OTUD7B: variants seen among roughly 807,000 people sequenced by gnomAD.
OTUD7B encodes OTU domain-containing protein 7B.
In OTUD7B, 34 loss-of-function variants were observed where a neutral mutation model predicts 82.2. The observed-to-expected ratio is 0.41, with a 90% CI of 0.31 to 0.55. The LOEUF is 0.55. Ranked by LOEUF, OTUD7B falls within the 20% of genes least tolerant of loss-of-function variation. The probability of loss-of-function intolerance (pLI) is 0.20; values close to 1 mark genes in which losing one functional copy is unlikely to be tolerated. For missense variants in OTUD7B, 944 were observed against 1,062.1 expected (o/e 0.89, Z 1.55); for synonymous variants, 398 against 402.7 (o/e 0.99, Z 0.14).
intron 7 of OTUD7B, among the ~76,000 whole-genome samples, chr1:149,957,772 G>A (rs1648798593): frequency 6.6e-6 from 1 of 152,200 alleles, no homozygotes; most frequent in African/African-American, 2.4e-5. Flanking sequence ...CCTCCTTGCA[G>A]TTCTATCTCA....
At chr1:150,011,270 G>A (rs1286291190), upstream of OTUD7B, among the ~76,000 whole-genome samples, 1 of 152,070 alleles carries the variant, frequency 6.6e-6, no homozygotes, top group East Asian at 1.9e-4. Context: ...TGATACATCT[G>A]CTTTAGACTG....
chr1:150,029,213 T>G, the OTUD7B span, among the ~76,000 whole-genome samples: 1 of 152,182 alleles, frequency 6.6e-6, no homozygotes, highest in African/African-American at 2.4e-5. Context: ...GTTAATTAGA[T>G]GAATAATTTT....
chr1:150,067,561 C>T, the OTUD7B span: 1 of 395,478 alleles, frequency 2.5e-6, no homozygotes, highest in Non-Finnish European at 4.5e-6. Flanking sequence ...CACCAAAGGG[C>T]AATAGGGGTC....
intron 1 of OTUD7B, among the ~76,000 whole-genome samples, chr1:150,003,937 C>T (rs1482725429): frequency 6.6e-6 from 1 of 152,184 alleles, no homozygotes; most frequent in East Asian, 1.9e-4. Context: ...TCCAACACAT[C>T]GCAAATTATA....
chr1:149,977,722 T>C, intron 1 of OTUD7B, 146 bp from the exon 2 acceptor site: 1 of 524,020 alleles, frequency 1.9e-6, no homozygotes, highest in Admixed American at 3.3e-5. Context: ...TTTAAAATTA[T>C]GAAGAGTAAC....
the OTUD7B span, among the ~76,000 whole-genome samples, chr1:150,027,857 T>C: frequency 6.6e-6 from 1 of 152,278 alleles, no homozygotes; most frequent in Non-Finnish European, 1.5e-5. Flanking sequence ...ATTAAAAAAC[T>C]GACTAATTTG....
intron 3 of OTUD7B, among the ~76,000 whole-genome samples, 167 bp downstream of exon 3, chr1:149,970,896 G>A (rs1451771914): frequency 1.3e-5 from 2 of 152,112 alleles, no homozygotes; most frequent in African/African-American, 4.8e-5. Flanking sequence ...GAGACGCAGT[G>A]AGGGACTGCA....
At chr1:150,043,972 T>C in the OTUD7B span, among the ~76,000 whole-genome samples, 4 of 152,006 alleles carry the variant, frequency 2.6e-5, no homozygotes, top group Non-Finnish European at 5.9e-5. Context: ...TAAAAAATTA[T>C]TCAGGCATGA....
chr1:149,974,504 T>TA (rs1650152020), intron 2 of OTUD7B, among the ~76,000 whole-genome samples: 1 of 150,862 alleles, frequency 6.6e-6, no homozygotes, highest in Non-Finnish European at 1.5e-5. Context: ...ACAAAGGCCC[T>TA]ACACTCTTTT....
At chr1:150,062,207 T>G in the OTUD7B span, among the ~76,000 whole-genome samples, 2 of 152,162 alleles carry the variant, frequency 1.3e-5, no homozygotes, top group African/African-American at 4.8e-5. Context: ...AATTTTTGAG[T>G]ACAAGAGTAT....
At chr1:149,956,244 T>C (rs1401680072) in intron 7 of OTUD7B, among the ~76,000 whole-genome samples, 1 of 152,194 alleles carries the variant, frequency 6.6e-6, no homozygotes, top group Non-Finnish European at 1.5e-5. Flanking sequence ...TGACAAAATC[T>C]CTCAGCATTT....
chr1:149,983,740 C>T (rs1188585934), intron 1 of OTUD7B, among the ~76,000 whole-genome samples: 1 of 151,950 alleles, frequency 6.6e-6, no homozygotes, highest in Admixed American at 6.6e-5. Context: ...AAAGGTTGCA[C>T]GCAGAGGTAG....
the OTUD7B span, chr1:150,054,511 C>T: frequency 2.1e-6 from 1 of 480,650 alleles, no homozygotes. Context: ...ATACTTACTT[C>T]AAGAAGAAGC....
the OTUD7B span, among the ~76,000 whole-genome samples, chr1:150,046,397 C>T: frequency 0.15 from 22,479 of 150,742 alleles, 1,856 homozygotes; most frequent in African/African-American, 0.17. Flanking sequence ...TGATTAATTC[C>T]CAACCCAGTA....
the OTUD7B span, among the ~76,000 whole-genome samples, chr1:150,063,156 T>C: frequency 4.6e-5 from 7 of 152,240 alleles, no homozygotes; most frequent in Admixed American, 3.9e-4. Context: ...TTTCTGCAGA[T>C]AGAAATGGTT....
the OTUD7B span, among the ~76,000 whole-genome samples, chr1:150,018,054 AT>A: frequency 1.3e-5 from 2 of 152,224 alleles, no homozygotes; most frequent in Non-Finnish European, 2.9e-5. Context: ...AACCATAGAG[AT>A]GTCAATGGAA....
chr1:149,944,911 T>C lies in OTUD7B; in HGVS notation c.1478A>G (p.Glu493Gly). 1.2e-6 allele frequency: 2 copies of C among 1,614,170 alleles called. No homozygotes were observed. Among genetic ancestry groups the C allele is most frequent in the East Asian group, 2.2e-5 (1 of 44,874 alleles). Residue 493 changes from glutamate to glycine, a missense_variant, in exon 12 of 12, where the codon GAG becomes GGG. Glu to Gly is a moderately conservative substitution (Grantham distance 98). Coordinates refer to ENST00000581312, the MANE Select transcript of OTUD7B (RefSeq NM_020205.4). ...AGAATCTGCTCTCTTCTTGTCCTTCTCCCGATCTCGCTTTGACTTCTCCTT... is the reference window on the plus strand; with the variant it reads ...AGAATCTGCTCTCTTCTTGTCCTTCCCCCGATCTCGCTTTGACTTCTCCTT... ...RRKEKSKRDREKDKKRADSVA... is the reference protein window; with the variant it reads ...RRKEKSKRDRGKDKKRADSVA...
chr1:150,048,086 C>T, the OTUD7B span: 1 of 150,694 alleles, frequency 6.6e-6, no homozygotes, highest in African/African-American at 2.5e-5. Flanking sequence ...ATCACTACTT[C>T]CAGAAAAAAA....
intron 7 of OTUD7B, among the ~76,000 whole-genome samples, chr1:149,952,269 A>T (rs1263665776): frequency 7.3e-6 from 1 of 136,082 alleles, no homozygotes; most frequent in Admixed American, 8.9e-5. Context: ...CTTATTGTTC[A>T]ATTCCCACCT....
Sources: allele counts gnomAD v4.1 joint callset (sites outside exome capture counted in the v4.1 genomes callset), GRCh38; gene constraint gnomAD v4.1.1; transcripts MANE v1.5; gene names NCBI Gene and HGNC (gene_info 2026-07-23, HGNC 2026-07-21).